The following APC variants were observed in gnomAD, a reference collection of about 807,000 sequenced individuals.
The protein encoded by APC is adenomatous polyposis coli protein.
Under a neutral mutation model 247.0 loss-of-function variants are expected in APC, and 72 were observed. The observed-to-expected ratio is 0.29, with a 90% CI of 0.24 to 0.35. The LOEUF (loss-of-function observed/expected upper bound fraction) is 0.35, where lower values mean the gene tolerates loss of function less well. Among genes scored for constraint, APC ranks in the 10% least tolerant of loss-of-function variants. The pLI, the probability that APC is intolerant of heterozygous loss-of-function variation, is 1.00. For synonymous variants in APC, 1,254 were observed against 1,162.5 expected, an observed-to-expected ratio of 1.08 and a Z score of -1.60; for missense variants, 3,400 against 3,360.7, an observed-to-expected ratio of 1.01 and a Z score of -0.29.
chr5:112,738,189 T>A, intron 1 of APC: 1 of 795,740 alleles, frequency 1.3e-6, no homozygotes, highest in Non-Finnish European at 1.5e-6. Context: ...AGAAAAGCTG[T>A]TTTTGAAGCC....
chr5:112,765,568 T>C (rs1756197740), intron 2 of APC, among the ~76,000 whole-genome samples: 1 of 152,212 alleles, frequency 6.6e-6, no homozygotes, highest in Non-Finnish European at 1.5e-5. Context: ...TATTTTGTCT[T>C]GCATTCAGGA....
chr5:112,800,176 A>G (rs1397163433), intron 7 of APC, among the ~76,000 whole-genome samples: 1 of 152,076 alleles, frequency 6.6e-6, no homozygotes, highest in African/African-American at 2.4e-5. Flanking sequence ...AACATAGTAG[A>G]TGGTCAGTAA....
intron 1 of APC, among the ~76,000 whole-genome samples, chr5:112,752,842 A>G (rs558870788): frequency 6.6e-6 from 1 of 152,278 alleles, no homozygotes; most frequent in Non-Finnish European, 1.5e-5. Context: ...AAGAACTTTA[A>G]TGATTGGGAA....
upstream of APC, among the ~76,000 whole-genome samples, chr5:112,735,025 T>C (rs529005052): frequency 6.6e-6 from 1 of 152,282 alleles, no homozygotes; most frequent in East Asian, 1.9e-4. Flanking sequence ...AGTTGAATTA[T>C]ATGTTCATAT....
intron 1 of APC, among the ~76,000 whole-genome samples, chr5:112,744,825 A>T (rs781286830): frequency 6.6e-6 from 1 of 152,272 alleles, no homozygotes; most frequent in Non-Finnish European, 1.5e-5. Flanking sequence ...TGTGAACACC[A>T]GACAGAAGTT....
intron 6 of APC, among the ~76,000 whole-genome samples, chr5:112,788,039 A>G (rs1759166070): frequency 1.3e-5 from 2 of 152,124 alleles, no homozygotes; most frequent in African/African-American, 2.4e-5. Context: ...TCTCATTATC[A>G]TGTATTGGAT....
chr5:112,713,333 T>C (rs1281563511), intron 1 of APC, among the ~76,000 whole-genome samples: 1 of 152,074 alleles, frequency 6.6e-6, no homozygotes, highest in Non-Finnish European at 1.5e-5. Context: ...TTTGCCATCA[T>C]GGTTGCAGAT....
chr5:112,710,085 GCTC>G (rs1750762959), intron 1 of APC, among the ~76,000 whole-genome samples: 2 of 151,994 alleles, frequency 1.3e-5, no homozygotes, highest in South Asian at 4.1e-4. Flanking sequence ...CTTTTACTAA[GCTC>G]CTATTGATGG....
chr5:112,712,451 A>G (rs1478301125), intron 1 of APC, among the ~76,000 whole-genome samples: 1 of 151,950 alleles, frequency 6.6e-6, no homozygotes, highest in Admixed American at 6.6e-5. Context: ...TAGTGGCATA[A>G]TCACAACTCA....
intron 1 of APC, among the ~76,000 whole-genome samples, chr5:112,721,346 G>A (rs1015197040): frequency 2.0e-5 from 3 of 152,092 alleles, no homozygotes; most frequent in Admixed American, 6.5e-5. Flanking sequence ...CCCGGAAGAC[G>A]GAGATTGTAG....
intron 7 of APC, among the ~76,000 whole-genome samples, chr5:112,793,137 T>C (rs990701277): frequency 2.0e-5 from 3 of 152,112 alleles, no homozygotes; most frequent in Admixed American, 1.3e-4. Context: ...GCAGATGGAC[T>C]TTCCAGAACC....
chr5:112,761,435 A>G (rs905367174), intron 2 of APC, among the ~76,000 whole-genome samples: 23 of 152,234 alleles, frequency 1.5e-4, no homozygotes, highest in African/African-American at 5.3e-4. Flanking sequence ...ATTGGAGTCT[A>G]TAATTAAAAG....
At chr5:112,763,941 A>G (rs1383827314) in intron 2 of APC, among the ~76,000 whole-genome samples, 1 of 152,150 alleles carries the variant, frequency 6.6e-6, no homozygotes, top group Non-Finnish European at 1.5e-5. Context: ...GAATCTTACA[A>G]AGAGAGACCT....
At chr5:112,709,811 A>G (rs1385624433) in intron 1 of APC, among the ~76,000 whole-genome samples, 1 of 152,158 alleles carries the variant, frequency 6.6e-6, no homozygotes, top group Non-Finnish European at 1.5e-5. Flanking sequence ...AGGCTGAGGC[A>G]GGAGGATTGT....
chr5:112,741,600 A>T (rs183759042), intron 1 of APC, among the ~76,000 whole-genome samples: 79 of 152,296 alleles, frequency 5.2e-4, no homozygotes, highest in East Asian at 7.7e-4. Context: ...TGAGATTTTT[A>T]AAAAAATTTT....
In APC at chr5:112,821,915, T is replaced by A. The variant is rs773087899; in HGVS notation, c.1332T>A (p.His444Gln). 1 of 1,613,120 alleles carries A rather than the reference T, an allele frequency of 6.2e-7. No homozygotes were observed. Among genetic ancestry groups the A allele is most frequent in the Non-Finnish European group, 8.5e-7 (1 of 1,179,396 alleles). The change falls in exon 11 of 16, where the codon CAT becomes CAA. Residue 444 changes from histidine to glutamine, a missense_variant. Around this residue, in one of 9 missense-constraint regions of APC, gnomAD observed 199 missense variants for 212.5 expected, o/e 0.94. Coordinates refer to ENST00000257430, the MANE Select transcript of APC (RefSeq NM_000038.6). ...TTTCAGTGCCAGCTCCTGTTGAACATCAGATCTGTCCTGCTGTGTGTGTTC... is the reference window on the plus strand; with the variant it reads ...TTTCAGTGCCAGCTCCTGTTGAACAACAGATCTGTCCTGCTGTGTGTGTTC... ...DKNPMPAPVE[H>Q]QICPAVCVLM...
intron 1 of APC, among the ~76,000 whole-genome samples, chr5:112,746,950 G>T (rs1488323042): frequency 8.3e-6 from 1 of 121,188 alleles, no homozygotes; most frequent in African/African-American, 2.5e-5. Flanking sequence ...CCACACAAGG[G>T]TTATGAGTTA....
chr5:112,746,329 G>A (rs114129944), intron 1 of APC, among the ~76,000 whole-genome samples: 1 of 152,244 alleles, frequency 6.6e-6, no homozygotes, highest in Non-Finnish European at 1.5e-5. Flanking sequence ...TTGAATTCTA[G>A]CTGACTTTCA....
chr5:112,716,457 G>A (rs1188485660), intron 1 of APC, among the ~76,000 whole-genome samples: 1 of 152,068 alleles, frequency 6.6e-6, no homozygotes. Flanking sequence ...TCAAAGGCCT[G>A]TTATTTCAGA....
Sources: gnomAD v4.1 joint callset for allele counts (sites outside exome capture counted in the v4.1 genomes callset) on GRCh38, gnomAD v4.1.1 for gene constraint, gnomAD v4.1.1 regional missense constraint, MANE v1.5 for transcripts, NCBI Gene and HGNC (gene_info 2026-07-23, HGNC 2026-07-21) for gene names.